Variants in WNT4 observed in about 807,000 individuals in gnomAD.
WNT4 encodes the protein protein Wnt-4.
A neutral mutation model predicts 34.5 loss-of-function variants in WNT4; 16 were observed. The observed-to-expected ratio is 0.46, with a 90% CI of 0.31 to 0.70. WNT4 has a LOEUF of 0.70. Ranked by LOEUF, WNT4 falls within the 30% of genes least tolerant of loss-of-function variation. The pLI is 0.04. For missense variants in WNT4, 379 were observed against 495.9 expected, an observed-to-expected ratio of 0.76 and a Z score of 2.24; for synonymous variants, 200 against 211.9, an observed-to-expected ratio of 0.94 and a Z score of 0.49.
intron 2 of WNT4, among the ~76,000 whole-genome samples, chr1:22,129,012 G>A (rs868470925): frequency 3.5e-4 from 53 of 152,330 alleles, no homozygotes; most frequent in African/African-American, 1.2e-3. Context: ...GAGCTGCCGC[G>A]CCCAGCTGGC....
rs1347756847 is a variant in WNT4 at position 22,142,133 on chromosome 1, G to A, written c.77+713C>T. Among the ~76,000 whole-genome samples, 1 of 152,166 alleles carries A rather than the reference G, an allele frequency of 6.6e-6. No individual in the cohort carries two copies. The highest frequency in any genetic ancestry group is 1.5e-5 in the Non-Finnish European group (1 of 68,034). On this transcript the variant is annotated intron_variant, in intron 1 of 4. Transcript: ENST00000290167. The surrounding 1 kb of genome is among the most constrained non-coding windows in gnomAD (Gnocchi z 6.0). Reference sequence around the variant, plus strand: ...CGCCCTGAGCGCAGATCCAGTCAAGGAGAAACAGACAGGTCACCAGCGGTT... The same window carrying A: ...CGCCCTGAGCGCAGATCCAGTCAAGAAGAAACAGACAGGTCACCAGCGGTT...
chr1:22,136,116 C>T (rs12091003), intron 1 of WNT4, among the ~76,000 whole-genome samples: 6 of 152,124 alleles, frequency 3.9e-5, no homozygotes, highest in Admixed American at 6.5e-5. Context: ...GTATTCCCAG[C>T]GAGCTGGTGG....
Position 22,121,587 on chromosome 1 carries a change from CAGAG to C in WNT4, c.314-15_314-12del, listed in dbSNP as rs1187373570. On this transcript the variant is annotated splice_polypyrimidine_tract_variant and intron_variant, in intron 2 of 4. Transcript: ENST00000290167. Reference sequence around the variant, plus strand: ...CCGCCTCCCGAGTCCCTGTGGGAGGCAGAGGGAGGGCAGAGCTGGGTCCCAGGGC... The same window carrying C: ...CCGCCTCCCGAGTCCCTGTGGGAGGCGGAGGGCAGAGCTGGGTCCCAGGGC... 3 of 1,611,926 alleles carry C rather than the reference CAGAG, an allele frequency of 1.9e-6. No individual in the cohort carries two copies. In the South Asian group the frequency reaches 3.3e-5, roughly 18 times the overall value.
rs760572908 is a variant in WNT4, at chr1:22,121,295, C to T, written c.504G>A (p.Ser168=). 2.0e-5 allele frequency: 32 copies of T among 1,614,064 alleles called. No homozygotes were observed. In the East Asian group the frequency reaches 2.0e-4, roughly 10 times the overall value. The part of the protein sequence containing the change: ...NIAYGVAFSQ[S]FVDVRERSKG... ...TGCTTCTCTCCCGCACATCCACAAA[C>T]GACTGTGAGAAGGCCACACCGTAGG... The change falls in exon 4 of 5, where the codon TCG becomes TCA. Residue 168 remains serine, a synonymous_variant. Transcript: ENST00000290167.
At chr1:22,121,673 T>G in intron 2 of WNT4, 97 bp from the exon 3 acceptor site, 2 of 1,540,900 alleles carry the variant, frequency 1.3e-6, no homozygotes, top group Non-Finnish European at 1.7e-6. Flanking sequence ...TCCTGCTTGC[T>G]GGAGGCCAGG....
intron 1 of WNT4, among the ~76,000 whole-genome samples, chr1:22,141,043 T>G (rs1646062186): frequency 6.6e-6 from 1 of 152,152 alleles, no homozygotes; most frequent in Non-Finnish European, 1.5e-5. Context: ...TGGCTCCACT[T>G]TGGGACAGCT....
Position 22,129,683 on chromosome 1 carries a change from G to T in WNT4, c.246C>A (p.Phe82Leu). 1 of 1,613,920 alleles carries T rather than the reference G, an allele frequency of 6.2e-7. No homozygotes were observed. The highest frequency in any genetic ancestry group is 8.5e-7 in the Non-Finnish European group (1 of 1,180,030). The part of the protein sequence containing the change: ...QLAIEECQYQ[F>L]RNRRWNCSTL... ...TGGAGCAGTTCCAGCGCCGGTTCCG[G>T]AACTGGTACTGGCACTCCTCAATGG... Residue 82 changes from phenylalanine (F) to leucine (L), a missense_variant, in exon 2 of 5, where the codon TTC (phenylalanine) becomes TTA (leucine). By Grantham distance (22) the Phe-to-Leu change is conservative. This residue lies in a region of WNT4 where 313 missense variants were observed against 445.8 expected (regional missense o/e 0.70). Transcript: ENST00000290167.
chr1:22,130,953 C>G (rs1055797726), intron 1 of WNT4, among the ~76,000 whole-genome samples: 2 of 152,198 alleles, frequency 1.3e-5, no homozygotes, highest in South Asian at 4.1e-4. Context: ...TACATTATTG[C>G]GTTTAATCCT....
Position 22,142,875 on chromosome 1 carries a change from G to T in WNT4, c.48C>A (p.Ala16=). Residue 16 remains alanine (A), a synonymous_variant, in exon 1 of 5, where the codon GCC becomes GCA. Transcript: ENST00000290167. This position sits in a 1 kb window ranked among gnomAD's most constrained non-coding sequence, Gnocchi z 6.0. Reference sequence around the variant, plus strand: ...AGTTGCTCGCGGCGGCTGAGAAGACGGCGAAGACGAGGAGGCGCAGCGAAC... The same window carrying T: ...AGTTGCTCGCGGCGGCTGAGAAGACTGCGAAGACGAGGAGGCGCAGCGAAC... ...CLRSLRLLVF[A]VFSAAASNWL... is the part of the protein sequence containing the mutation. 8.3e-7 allele frequency: 1 copy of T among 1,211,148 alleles called. No homozygotes were observed. The highest frequency in any genetic ancestry group is 8.8e-5 in the East Asian group (1 of 11,390). The allele number at this position is 1,211,148 out of a possible 1,614,324, so 75.0% of individuals were successfully genotyped here.
rs71016989 is a variant in WNT4, at chr1:22,119,187, CGTGT to C, written c.*859_*862del. On this transcript the variant is annotated 3_prime_UTR_variant, in exon 5 of 5. Coordinates refer to ENST00000290167, the MANE Select transcript of WNT4 (RefSeq NM_030761.5). ...TCTCTCGCAGGTGTGTGTGTGTGTC[CGTGT>C]GTGTGTGTGTGTGTGTGTGTGTGTG... The C allele has an allele frequency of 0.026, 899 of 34,826 alleles. 9 individuals carry two copies. Among genetic ancestry groups the C allele is most frequent in the Non-Finnish European group, 0.031 (554 of 17,864 alleles). The allele number at this position is 34,826 out of a possible 1,614,324, so 2.2% of individuals were successfully genotyped here. A position where few individuals can be genotyped will look rare whatever the true frequency, so the allele number is the denominator to read the frequency against.
At chr1:22,131,379 G>T (rs1248790449) in intron 1 of WNT4, among the ~76,000 whole-genome samples, 2 of 152,248 alleles carry the variant, frequency 1.3e-5, no homozygotes, top group Non-Finnish European at 2.9e-5. Flanking sequence ...TCCCAGTGGG[G>T]GTTGGTGGGC....
chr1:22,127,390 A>G (rs755327412), intron 2 of WNT4: 3 of 533,230 alleles, frequency 5.6e-6, no homozygotes, highest in Non-Finnish European at 7.7e-6. Flanking sequence ...GCCCCAGGCT[A>G]CCTCCTTCCT....
rs925986412 is a variant in WNT4, at chr1:22,142,745, G to A, written c.77+101C>T. The A allele has an allele frequency of 1.2e-6, 1 of 834,858 alleles. No homozygotes were observed. Among genetic ancestry groups the A allele is most frequent in the Non-Finnish European group, 1.4e-6 (1 of 694,006 alleles). 51.7% of individuals were successfully genotyped at this position (834,858 alleles called of 1,614,324 possible). A position where few individuals can be genotyped will look rare whatever the true frequency, so the allele number is the denominator to read the frequency against. ...CGGTCCCGCGGCCGAGACACCTGCC[G>A]GGCTGCCCCGCGCCCGCTGCCCCGC... On this transcript the variant is annotated intron_variant, in intron 1 of 4. Coordinates refer to ENST00000290167, the MANE Select transcript of WNT4 (RefSeq NM_030761.5). This position sits in a 1 kb window ranked among gnomAD's most constrained non-coding sequence, Gnocchi z 6.0.
intron 2 of WNT4, among the ~76,000 whole-genome samples, chr1:22,125,719 G>A (rs1359991985): frequency 6.6e-6 from 1 of 152,166 alleles, no homozygotes; most frequent in African/African-American, 2.4e-5. Context: ...CACGGTAGAG[G>A]CAGAGGAGGC....
At chr1:22,123,768 G>A (rs1263728174) in intron 2 of WNT4, among the ~76,000 whole-genome samples, 2 of 152,158 alleles carry the variant, frequency 1.3e-5, no homozygotes, top group Non-Finnish European at 2.9e-5. Flanking sequence ...GAGCCCCTGG[G>A]AATACACATG....
chr1:22,138,782 G>A (rs980064859), intron 1 of WNT4, among the ~76,000 whole-genome samples: 2 of 152,170 alleles, frequency 1.3e-5, no homozygotes, highest in Non-Finnish European at 2.9e-5. Context: ...CTGCACATCT[G>A]GGCTGGCCGT....
rs1485243434 is a variant in WNT4 at position 22,142,028 on chromosome 1, G to GCTCC, written c.77+814_77+817dup. Among the ~76,000 whole-genome samples the GCTCC allele has an allele frequency of 1.3e-5, 2 of 152,182 alleles. No homozygotes were observed. Among genetic ancestry groups the GCTCC allele is most frequent in the Non-Finnish European group, 2.9e-5 (2 of 68,032 alleles). On this transcript the variant is annotated intron_variant, in intron 1 of 4. Coordinates refer to ENST00000290167, the MANE Select transcript of WNT4 (RefSeq NM_030761.5). The surrounding 1 kb of genome is among the most constrained non-coding windows in gnomAD (Gnocchi z 6.0). ...GGATGAAAGGAGCGCGGGTCCGCTT[G>GCTCC]CTCCCTGTCCACCCACTCACTGGAG...
intron 1 of WNT4, among the ~76,000 whole-genome samples, chr1:22,131,440 C>T (rs1645983082): frequency 6.6e-6 from 1 of 152,278 alleles, no homozygotes; most frequent in South Asian, 2.1e-4. Context: ...GCTAGGTGGG[C>T]ACTGGCCTGG....
At chr1:22,125,347 A>G (rs1445888731) in intron 2 of WNT4, among the ~76,000 whole-genome samples, 1 of 152,120 alleles carries the variant, frequency 6.6e-6, no homozygotes, top group Non-Finnish European at 1.5e-5. Context: ...ATCTTCTGTA[A>G]CTTATAGCAT....
Sources: gnomAD v4.1 joint callset for allele counts (sites outside exome capture counted in the v4.1 genomes callset) on GRCh38, gnomAD v4.1.1 for gene constraint, gnomAD v4.1.1 regional missense constraint, Gnocchi (gnomAD v3.1) non-coding constraint, MANE v1.5 for transcripts, NCBI Gene and HGNC (gene_info 2026-07-23, HGNC 2026-07-21) for gene names.